MACROD2: variants seen among roughly 807,000 people sequenced by gnomAD.
The protein encoded by MACROD2 is ADP-ribose glycohydrolase MACROD2.
MACROD2 carries 36 observed loss-of-function variants against 70.4 expected under a neutral mutation model. The ratio of observed to expected loss-of-function variants is 0.51; its 90% confidence interval spans 0.39 to 0.68. The LOEUF (loss-of-function observed/expected upper bound fraction) is 0.68. MACROD2 is among the 30% of genes least tolerant of loss of function. The pLI is 0.00. For synonymous variants in MACROD2, 172 were observed against 178.8 expected, an observed-to-expected ratio of 0.96 and a Z score of 0.30; for missense variants, 496 against 538.4, an observed-to-expected ratio of 0.92 and a Z score of 0.78.
At chr20:14,232,447 A>T (rs1018868347) in intron 3 of MACROD2, among the ~76,000 whole-genome samples, 1 of 152,224 alleles carries the variant, frequency 6.6e-6, no homozygotes, top group East Asian at 1.9e-4. Context: ...AGCCACCTTC[A>T]TCAGTTATCT....
At chr20:15,584,241 T>C (rs1475759161) in intron 8 of MACROD2, among the ~76,000 whole-genome samples, 1 of 152,170 alleles carries the variant, frequency 6.6e-6, no homozygotes, top group African/African-American at 2.4e-5. Flanking sequence ...TTACATGTAT[T>C]TTTTAAAAGT....
At chr20:14,231,091 A>G (rs1014176070) in intron 3 of MACROD2, among the ~76,000 whole-genome samples, 17 of 151,366 alleles carry the variant, frequency 1.1e-4, no homozygotes, top group African/African-American at 2.9e-4. Flanking sequence ...TTGTTGTTCC[A>G]TTTATAGAGC....
At chr20:15,190,587 A>G (rs1480811799) in intron 5 of MACROD2, among the ~76,000 whole-genome samples, 1 of 152,222 alleles carries the variant, frequency 6.6e-6, no homozygotes, top group Non-Finnish European at 1.5e-5. Flanking sequence ...TTCAGGTATT[A>G]TGAGGCCAAC....
chr20:15,791,070 G>A (rs1432601924), intron 8 of MACROD2, among the ~76,000 whole-genome samples: 2 of 151,780 alleles, frequency 1.3e-5, no homozygotes, highest in East Asian at 3.9e-4. Flanking sequence ...AAAACTCACT[G>A]ATCAATTCTA....
chr20:14,245,834 C>G (rs982721299), intron 3 of MACROD2, among the ~76,000 whole-genome samples: 1 of 152,156 alleles, frequency 6.6e-6, no homozygotes, highest in African/African-American at 2.4e-5. Flanking sequence ...TTCACAGACA[C>G]CATTCCTCTC....
intron 10 of MACROD2, among the ~76,000 whole-genome samples, chr20:15,930,258 CT>C (rs2065554492): frequency 6.6e-6 from 1 of 152,150 alleles, no homozygotes; most frequent in African/African-American, 2.4e-5. Flanking sequence ...AAAAAGAAAG[CT>C]TGTCCTTATC....
At chr20:14,938,575 G>T (rs904318800) in intron 5 of MACROD2, among the ~76,000 whole-genome samples, 1 of 152,038 alleles carries the variant, frequency 6.6e-6, no homozygotes, top group Non-Finnish European at 1.5e-5. Flanking sequence ...GAGGCCAGGA[G>T]TTCAAGACCA....
intron 15 of MACROD2, among the ~76,000 whole-genome samples, chr20:16,002,108 CTGTT>C (rs2066717647): frequency 6.6e-6 from 1 of 151,596 alleles, no homozygotes; most frequent in Non-Finnish European, 1.5e-5. Context: ...CAAAGTCTAC[CTGTT>C]TAAGAGATAC....
intron 5 of MACROD2, among the ~76,000 whole-genome samples, chr20:15,020,413 G>A (rs766488255): frequency 3.3e-5 from 5 of 152,208 alleles, no homozygotes; most frequent in Non-Finnish European, 7.4e-5. Context: ...ATTACTCTAT[G>A]TTGTGATCAT....
chr20:14,741,684 C>T (rs1374652443), intron 5 of MACROD2, among the ~76,000 whole-genome samples: 1 of 152,038 alleles, frequency 6.6e-6, no homozygotes, highest in African/African-American at 2.4e-5. Context: ...CATATTTTAA[C>T]TTCTCCATTA....
chr20:14,676,670 A>G (rs1200838260), intron 4 of MACROD2, among the ~76,000 whole-genome samples: 1 of 152,208 alleles, frequency 6.6e-6, no homozygotes, highest in Admixed American at 6.5e-5. Context: ...GAGAAGTAAG[A>G]GCAAACAAAT....
chr20:15,616,768 C>T (rs1014750319), intron 8 of MACROD2, among the ~76,000 whole-genome samples: 3 of 152,144 alleles, frequency 2.0e-5, no homozygotes, highest in Admixed American at 1.3e-4. Context: ...GTTGATAGGC[C>T]CATATGGTAT....
At chr20:14,568,748 ATAT>A (rs1331470125) in intron 4 of MACROD2, among the ~76,000 whole-genome samples, 8 of 152,046 alleles carry the variant, frequency 5.3e-5, no homozygotes, top group Non-Finnish European at 1.2e-4. Context: ...GGGCAAGGAA[ATAT>A]TATGCTTTGA....
intron 12 of MACROD2, 40 bp downstream of exon 12, chr20:15,937,584 TAAAAG>T: frequency 6.4e-7 from 1 of 1,570,156 alleles, no homozygotes; most frequent in African/African-American, 1.3e-5. Context: ...TGCAGACTCT[TAAAAG>T]AGACTGTTTG....
intron 15 of MACROD2, among the ~76,000 whole-genome samples, chr20:16,029,348 A>G (rs1193327031): frequency 6.6e-6 from 1 of 152,336 alleles, no homozygotes; most frequent in East Asian, 1.9e-4. Context: ...GGCAAAGGCC[A>G]GGTGCATGTG....
intron 5 of MACROD2, among the ~76,000 whole-genome samples, chr20:14,883,783 A>G (rs1280200303): frequency 1.3e-5 from 2 of 151,978 alleles, no homozygotes; most frequent in African/African-American, 4.8e-5. Flanking sequence ...AGAGAGGCTC[A>G]CTCTGTCTTC....
intron 6 of MACROD2, among the ~76,000 whole-genome samples, chr20:15,422,006 C>T (rs1369706132): frequency 1.3e-5 from 2 of 152,130 alleles, no homozygotes; most frequent in African/African-American, 4.8e-5. Context: ...GTATGCCAGA[C>T]AGAGGTGACA....
intron 3 of MACROD2, among the ~76,000 whole-genome samples, chr20:14,363,474 T>C (rs1375357912): frequency 6.6e-6 from 1 of 152,210 alleles, no homozygotes; most frequent in African/African-American, 2.4e-5. Context: ...ATATTTAATA[T>C]GACTGGCTCA....
At chr20:15,447,841 C>T (rs562453158) in intron 7 of MACROD2, among the ~76,000 whole-genome samples, 79 of 152,196 alleles carry the variant, frequency 5.2e-4, no homozygotes, top group African/African-American at 1.9e-3. Flanking sequence ...GGGAGTGACT[C>T]ATGGTAAGAG....
Sources: allele counts gnomAD v4.1 joint callset (sites outside exome capture counted in the v4.1 genomes callset), GRCh38; gene constraint gnomAD v4.1.1; transcripts MANE v1.5; gene names NCBI Gene and HGNC (gene_info 2026-07-23, HGNC 2026-07-21).